The following EIF1AY variants were observed in gnomAD, a reference collection of about 807,000 sequenced individuals.
The protein encoded by EIF1AY is eukaryotic translation initiation factor 1A, Y-chromosomal.
For missense variants in EIF1AY, 19 were observed against 30.6 expected (o/e 0.62, Z 0.89); for synonymous variants, 16 against 9.9 (o/e 1.62, Z -1.16).
chrY:20,577,470 G>A (rs2089347476), intron 1 of EIF1AY, among the ~76,000 whole-genome samples: 1 of 32,803 alleles, frequency 3.0e-5, no homozygotes, highest in African/African-American at 1.2e-4. Context: ...AATGATCAGG[G>A]TTTGGTTAAT....
chrY:20,584,461 A>G lies in EIF1AY; in HGVS notation c.205-13A>G. The G allele has an allele frequency of 3.3e-6, 1 of 299,228 alleles. No homozygotes were observed. The highest frequency in any genetic ancestry group is 4.8e-6 in the Non-Finnish European group (1 of 209,521). 74.6% of individuals were successfully genotyped at this position (299,228 alleles called of 400,897 possible). A position where few individuals can be genotyped will look rare whatever the true frequency, so the allele number is the denominator to read the frequency against. On this transcript the variant is annotated splice_polypyrimidine_tract_variant and intron_variant, in intron 3 of 6. Coordinates refer to ENST00000361365, the MANE Select transcript of EIF1AY (RefSeq NM_004681.4). ...TTTTATTTTTAAAATAATCTGCAGT[A>G]AATTTCTTACAGGTTTGGATAAATA... is the stretch of plus-strand genomic sequence containing the variant.
At chrY:20,591,908 A>G (rs2089359287) in intron 6 of EIF1AY, among the ~76,000 whole-genome samples, 1 of 33,818 alleles carries the variant, frequency 3.0e-5, no homozygotes, top group African/African-American at 1.2e-4. Flanking sequence ...AATGGCTATT[A>G]AAGGAAGTTT....
In EIF1AY at chrY:20,592,418, A is replaced by C; in HGVS notation, c.*72A>C. ...ACAGTTGGGATTTTGGCCATCATCA[A>C]CCAAGAAGAGAAATTCATTTAGTGT... On this transcript the variant is annotated 3_prime_UTR_variant, in exon 7 of 7. Coordinates refer to ENST00000361365, the MANE Select transcript of EIF1AY (RefSeq NM_004681.4). 4.6e-6 allele frequency: 1 copy of C among 216,146 alleles called. No homozygotes were observed. The highest frequency in any genetic ancestry group is 8.0e-5 in the African/African-American group (1 of 12,499). 53.9% of individuals were successfully genotyped at this position (216,146 alleles called of 400,897 possible).
intron 5 of EIF1AY, 92 bp downstream of exon 5, chrY:20,588,197 A>G: frequency 5.7e-6 from 1 of 176,981 alleles, no homozygotes; most frequent in Admixed American, 1.2e-4. Context: ...CTTGTTTTAC[A>G]TACTGTTTTA....
chrY:20,592,442 G>A lies in EIF1AY; in HGVS notation c.*96G>A. The A allele has an allele frequency of 1.2e-5, 2 of 165,920 alleles. No homozygotes were observed. Among genetic ancestry groups the A allele is most frequent in the Non-Finnish European group, 2.0e-5 (2 of 99,132 alleles). 41.4% of individuals were successfully genotyped at this position (165,920 alleles called of 400,897 possible). A position where few individuals can be genotyped will look rare whatever the true frequency, so the allele number is the denominator to read the frequency against. On this transcript the variant is annotated 3_prime_UTR_variant, in exon 7 of 7. Coordinates refer to ENST00000361365, the MANE Select transcript of EIF1AY (RefSeq NM_004681.4). Reference sequence around the variant, plus strand: ...AACCAAGAAGAGAAATTCATTTAGTGTGTAGTTTCTGAAAGCAAACTGATT... The same window carrying A: ...AACCAAGAAGAGAAATTCATTTAGTATGTAGTTTCTGAAAGCAAACTGATT...
intron 1 of EIF1AY, among the ~76,000 whole-genome samples, chrY:20,578,160 C>T: frequency 6.1e-5 from 2 of 32,782 alleles, no homozygotes; most frequent in Admixed American, 2.8e-4. Flanking sequence ...AGATGCCTGT[C>T]AGTATTGTCG....
chrY:20,584,549 G>T (rs767061883), intron 4 of EIF1AY, 25 bp downstream of exon 4: 1 of 258,318 alleles, frequency 3.9e-6, no homozygotes, highest in Admixed American at 1.0e-4. Flanking sequence ...TAAAGTTGTG[G>T]TATGTCTGTG....
chrY:20,576,060 C>T, intron 1 of EIF1AY, among the ~76,000 whole-genome samples, 173 bp downstream of exon 1: 4 of 33,177 alleles, frequency 1.2e-4, no homozygotes, highest in Admixed American at 2.7e-4. Flanking sequence ...GTGGGACAGA[C>T]GCCATTTTTG....
chrY:20,587,057 A>C, intron 4 of EIF1AY: 1 of 33,154 alleles, frequency 3.0e-5, no homozygotes, highest in Non-Finnish European at 7.4e-5. Context: ...AAATACTTTC[A>C]AATGGGGAAC....
At chrY:20,587,476 G>C (rs2089355378) in intron 4 of EIF1AY, 1 of 32,381 alleles carries the variant, frequency 3.1e-5, no homozygotes, top group Non-Finnish European at 7.5e-5. Context: ...TTTTAGTAGA[G>C]ATGGGGTTTC....
intron 2 of EIF1AY, among the ~76,000 whole-genome samples, chrY:20,582,380 TTTCTATC>T (rs2089351282): frequency 3.1e-5 from 1 of 32,389 alleles, no homozygotes; most frequent in African/African-American, 1.2e-4. Context: ...CCAGCTAATT[TTTCTATC>T]TTTAGAAGAG....
chrY:20,588,245 A>G, intron 5 of EIF1AY, 140 bp downstream of exon 5: 1 of 100,416 alleles, frequency 1.0e-5, no homozygotes, highest in Non-Finnish European at 1.9e-5. Context: ...AGTCTTGCCT[A>G]TACTTCAGTT....
chrY:20,585,887 A>G (rs2089354211), intron 4 of EIF1AY, among the ~76,000 whole-genome samples: 1 of 28,515 alleles, frequency 3.5e-5, no homozygotes, highest in Non-Finnish European at 8.2e-5. Flanking sequence ...TCTGGAAATC[A>G]GATTGCTGCC....
intron 4 of EIF1AY, chrY:20,586,615 T>G (rs2089354603): frequency 3.0e-5 from 1 of 33,476 alleles, no homozygotes; most frequent in Non-Finnish European, 7.4e-5. Flanking sequence ...GTTCACCTAT[T>G]TTTCGTGAAT....
rs747272238 is a variant in EIF1AY at position 20,592,590 on chromosome Y, T to G, written c.*244T>G. 1.3e-4 allele frequency: 9 copies of G among 71,294 alleles called. No homozygotes were observed. In the South Asian group the frequency reaches 2.6e-3, roughly 21 times the overall value. 17.8% of individuals were successfully genotyped at this position (71,294 alleles called of 400,897 possible). On this transcript the variant is annotated 3_prime_UTR_variant, in exon 7 of 7. Coordinates refer to ENST00000361365, the MANE Select transcript of EIF1AY (RefSeq NM_004681.4). The stretch of plus-strand genomic sequence containing the variant: ...ACTTAAGGATAAAAGACCATAATAT[T>G]TGCTGTTAAAATAAATAAACGAGTG...
At chrY:20,590,048 A>AT (rs2089357823) in intron 6 of EIF1AY, among the ~76,000 whole-genome samples, 1 of 29,199 alleles carries the variant, frequency 3.4e-5, no homozygotes, top group Non-Finnish European at 8.1e-5. Flanking sequence ...ATTCACTTTG[A>AT]TTTTTCTTCC....
intron 4 of EIF1AY, among the ~76,000 whole-genome samples, chrY:20,585,065 G>A: frequency 3.0e-5 from 1 of 33,587 alleles, no homozygotes; most frequent in African/African-American, 1.2e-4. Flanking sequence ...ATGAGAAAGT[G>A]TATAAGGTAG....
intron 1 of EIF1AY, among the ~76,000 whole-genome samples, chrY:20,576,482 C>G: frequency 5.9e-5 from 2 of 33,666 alleles, no homozygotes; most frequent in Non-Finnish European, 7.4e-5. Context: ...TGAGGCTAAA[C>G]TTTCACACGA....
At chrY:20,591,797 A>G (rs764898316) in intron 6 of EIF1AY, among the ~76,000 whole-genome samples, 1 of 33,422 alleles carries the variant, frequency 3.0e-5, no homozygotes, top group Non-Finnish European at 7.4e-5. Context: ...GGATCTAGAC[A>G]TGGCTAAGAT....
Sources: allele counts gnomAD v4.1 joint callset (sites outside exome capture counted in the v4.1 genomes callset), GRCh38; gene constraint gnomAD v4.1.1; transcripts MANE v1.5; gene names NCBI Gene and HGNC (gene_info 2026-07-23, HGNC 2026-07-21).